TMX3: variants seen among roughly 807,000 people sequenced by gnomAD.
TMX3 encodes thioredoxin related transmembrane protein 3.
Under a neutral mutation model 64.4 loss-of-function variants are expected in TMX3, and 40 were observed. The observed-to-expected ratio is 0.62, with a 90% CI of 0.48 to 0.81. The LOEUF (loss-of-function observed/expected upper bound fraction) is 0.81. Among genes scored for constraint, TMX3 ranks in the 30% least tolerant of loss-of-function variants. The pLI is 0.00. For synonymous variants in TMX3, 189 were observed against 175.7 expected, an observed-to-expected ratio of 1.08 and a Z score of -0.60; for missense variants, 497 against 534.5, an observed-to-expected ratio of 0.93 and a Z score of 0.69.
intron 4 of TMX3, among the ~76,000 whole-genome samples, chr18:68,709,656 T>C (rs1278784691): frequency 1.3e-5 from 2 of 152,158 alleles, no homozygotes; most frequent in East Asian, 3.8e-4. Context: ...CAATTCGTCC[T>C]TTAAGTTCCC....
intron 10 of TMX3, among the ~76,000 whole-genome samples, chr18:68,686,215 C>A (rs1913940695): frequency 6.6e-6 from 1 of 152,152 alleles, no homozygotes; most frequent in East Asian, 1.9e-4. Flanking sequence ...TGATGCCTAA[C>A]AGGGGCAATT....
chr18:68,679,407 G>A lies in TMX3; in HGVS notation c.1104+56C>T, dbSNP rs1379393697. The A allele has an allele frequency of 2.8e-6, 4 of 1,416,202 alleles. No individual in the cohort carries two copies. The Admixed American group carries it at 6.2e-5, about 22-fold the overall frequency. 87.7% of individuals were successfully genotyped at this position (1,416,202 alleles called of 1,614,324 possible). On this transcript the variant is annotated intron_variant, in intron 15 of 15. Transcript: ENST00000299608. ...CAAATTCAGATTTTTAACACAGCTA[G>A]ACATAAAGAACCTATATCTTCTTCA... is the stretch of plus-strand genomic sequence containing the variant.
In TMX3 at chr18:68,674,006, T is replaced by G. The variant is rs1321186866; in HGVS notation, c.*2927A>C. ...CCTAACTCCATGTCGTATGAAGCAA[T>G]GATGAAAATATGTTACTTTTTGCAA... On this transcript the variant is annotated 3_prime_UTR_variant, in exon 16 of 16. Coordinates refer to ENST00000299608, the MANE Select transcript of TMX3 (RefSeq NM_019022.5). The G allele has an allele frequency of 6.6e-6, 1 of 152,008 alleles. No individual in the cohort carries two copies. The highest frequency in any genetic ancestry group is 2.4e-5 in the African/African-American group (1 of 41,390). 9.4% of individuals were successfully genotyped at this position (152,008 alleles called of 1,614,324 possible).
Position 68,673,766 on chromosome 18 carries a change from C to G in TMX3, c.*3167G>C, listed in dbSNP as rs1912709032. On this transcript the variant is annotated 3_prime_UTR_variant, in exon 16 of 16. Transcript: ENST00000299608. The stretch of plus-strand genomic sequence containing the variant: ...CATAGGCAGAATATCATGAATTCAA[C>G]AAGTTAGTAATGCAGACTTTCAAAA... The G allele has an allele frequency of 6.6e-6, 1 of 152,086 alleles. No individual in the cohort carries two copies. Among genetic ancestry groups the G allele is most frequent in the South Asian group, 2.1e-4 (1 of 4,822 alleles). The allele number at this position is 152,086 out of a possible 1,614,324, so 9.4% of individuals were successfully genotyped here.
intron 15 of TMX3, 120 bp from the exon 16 acceptor site, chr18:68,677,313 A>C: frequency 2.8e-6 from 3 of 1,059,170 alleles, no homozygotes. Flanking sequence ...TTTTAGTTCC[A>C]ATGAATCAAT....
At chr18:68,700,341 A>G in intron 6 of TMX3, 64 bp downstream of exon 6, 1 of 1,143,570 alleles carries the variant, frequency 8.7e-7, no homozygotes, top group South Asian at 1.6e-5. Flanking sequence ...AATACAGTCT[A>G]TTAAAATATA....
rs1912925656 is a variant in TMX3 at position 68,676,354 on chromosome 18, G to A, written c.*579C>T. ...TTATGATAATGCAACTGAGTATAAA[G>A]TTAAAAAGTAACATTTCTTCTCCTT... On this transcript the variant is annotated 3_prime_UTR_variant, in exon 16 of 16. Coordinates refer to ENST00000299608, the MANE Select transcript of TMX3 (RefSeq NM_019022.5). The A allele has an allele frequency of 6.6e-6, 1 of 152,012 alleles. No individual in the cohort carries two copies. Among genetic ancestry groups the A allele is most frequent in the Non-Finnish European group, 1.5e-5 (1 of 68,058 alleles). The allele number at this position is 152,012 out of a possible 1,614,324, so 9.4% of individuals were successfully genotyped here. A position where few individuals can be genotyped will look rare whatever the true frequency, so the allele number is the denominator to read the frequency against.
chr18:68,708,742 CAA>C (rs1056856398), intron 4 of TMX3, among the ~76,000 whole-genome samples: 7 of 152,064 alleles, frequency 4.6e-5, no homozygotes, highest in African/African-American at 1.4e-4. Flanking sequence ...TGATAAAATC[CAA>C]AACACTGCCT....
chr18:68,706,614 C>A (rs2030697517), intron 4 of TMX3, among the ~76,000 whole-genome samples: 1 of 152,110 alleles, frequency 6.6e-6, no homozygotes, highest in South Asian at 2.1e-4. Flanking sequence ...AACAGTGATA[C>A]CGCAACTGTC....
At chr18:68,683,464 T>C (rs1913642100) in intron 12 of TMX3, among the ~76,000 whole-genome samples, 1 of 152,142 alleles carries the variant, frequency 6.6e-6, no homozygotes, top group South Asian at 2.1e-4. Flanking sequence ...TGATTCAGCA[T>C]AAAGTAAAAA....
At position 68,674,284 on chromosome 18, in the gene TMX3, C is replaced by T. The variant is rs1301402061; in HGVS notation, c.*2649G>A. On this transcript the variant is annotated 3_prime_UTR_variant, in exon 16 of 16. Transcript: ENST00000299608. ...AGTAGCTGAGAAAAATATTGATGCA[C>T]ATAATGAAACAAAAAGAATTGCCAG... 2.6e-5 allele frequency: 4 copies of T among 152,068 alleles called. No individual in the cohort carries two copies. Among genetic ancestry groups the T allele is most frequent in the Non-Finnish European group, 5.9e-5 (4 of 67,986 alleles). 9.4% of individuals were successfully genotyped at this position (152,068 alleles called of 1,614,324 possible).
chr18:68,696,633 T>C (rs966087684), intron 8 of TMX3, among the ~76,000 whole-genome samples: 3 of 151,732 alleles, frequency 2.0e-5, no homozygotes, highest in Admixed American at 2.0e-4. Context: ...CGTGCCACCA[T>C]GCCTGGCTAG....
intron 4 of TMX3, among the ~76,000 whole-genome samples, chr18:68,702,854 A>T (rs1368923244): frequency 2.0e-5 from 3 of 152,204 alleles, no homozygotes; most frequent in African/African-American, 7.2e-5. Context: ...AATATCCAAA[A>T]TTTTTCCTTC....
intron 8 of TMX3, chr18:68,696,934 A>G: frequency 3.8e-6 from 1 of 261,214 alleles, no homozygotes. Flanking sequence ...CTTGTAAGCC[A>G]ATTTAGGAGT....
At chr18:68,697,102 GTAAA>G (rs1321713783) in intron 8 of TMX3, 120 bp downstream of exon 8, 2 of 582,046 alleles carry the variant, frequency 3.4e-6, no homozygotes, top group African/African-American at 1.9e-5. Flanking sequence ...ACATATCACA[GTAAA>G]TAAATCTGAT....
intron 4 of TMX3, among the ~76,000 whole-genome samples, chr18:68,702,045 T>C (rs908889798): frequency 2.0e-5 from 3 of 150,956 alleles, no homozygotes; most frequent in African/African-American, 7.3e-5. Flanking sequence ...AAAAGAATAG[T>C]TAAAAATTTA....
chr18:68,684,199 A>C lies in TMX3; in HGVS notation c.839T>G (p.Leu280Arg). Residue 280 changes from leucine (L) to arginine (R), a missense_variant, in exon 12 of 16, where the codon CTC (leucine) becomes CGC (arginine). Leu to Arg is a moderately radical substitution (Grantham distance 102, BLOSUM62 -2). This residue lies in a region of TMX3 where 360 missense variants were observed against 383.5 expected (regional missense o/e 0.94). Coordinates refer to ENST00000299608, the MANE Select transcript of TMX3 (RefSeq NM_019022.5). ...IQEVARDYRD[L>R]FHRDFQFGHM... ...GAATATAAGCACCTACCTATGGAAG[A>C]GGTCTCTGTAATCTCTTGCAACTTC... 1 of 1,609,868 alleles carries C rather than the reference A, an allele frequency of 6.2e-7. No individual in the cohort carries two copies. Among genetic ancestry groups the C allele is most frequent in the Non-Finnish European group, 8.5e-7 (1 of 1,177,236 alleles).
chr18:68,677,602 A>G (rs1481255324), intron 15 of TMX3, among the ~76,000 whole-genome samples: 1 of 152,166 alleles, frequency 6.6e-6, no homozygotes, highest in Non-Finnish European at 1.5e-5. Flanking sequence ...AGGTACACAC[A>G]TACTCTTTTC....
rs370611762 is a variant in TMX3, at chr18:68,714,921, C to T, written c.46+15G>A. 3.2e-6 allele frequency: 5 copies of T among 1,556,312 alleles called. No homozygotes were observed. Among genetic ancestry groups the T allele is most frequent in the Non-Finnish European group, 1.7e-6 (2 of 1,150,436 alleles). Reference sequence around the variant, plus strand: ...CACGCGCCCGCCAGCGTCCCGACCGCTGAGCCCCCATTACCTGTGGCGCAG... The same window carrying T: ...CACGCGCCCGCCAGCGTCCCGACCGTTGAGCCCCCATTACCTGTGGCGCAG... On this transcript the variant is annotated intron_variant, in intron 1 of 15. Coordinates refer to ENST00000299608, the MANE Select transcript of TMX3 (RefSeq NM_019022.5).
Sources: gnomAD v4.1 joint callset for allele counts (sites outside exome capture counted in the v4.1 genomes callset) on GRCh38, gnomAD v4.1.1 for gene constraint, gnomAD v4.1.1 regional missense constraint, MANE v1.5 for transcripts, NCBI Gene and HGNC (gene_info 2026-07-23, HGNC 2026-07-21) for gene names.